Variants in SAMD4A observed in about 807,000 individuals in gnomAD.
The protein encoded by SAMD4A is protein Smaug homolog 1.
In SAMD4A, 33 loss-of-function variants were observed where a neutral mutation model predicts 81.3. That is an observed-to-expected ratio of 0.41 (90% CI 0.31 to 0.54). The LOEUF (loss-of-function observed/expected upper bound fraction) is 0.54. Ranked by LOEUF, SAMD4A falls within the 20% of genes least tolerant of loss-of-function variation. The pLI is 0.37. For missense variants in SAMD4A, 854 were observed against 951.1 expected (o/e 0.90, Z 1.34); for synonymous variants, 389 against 382.1 (o/e 1.02, Z -0.21).
intron 2 of SAMD4A, among the ~76,000 whole-genome samples, chr14:54,606,212 T>TGTGTGTGTGTGTGTGTGC (rs1051852191): frequency 1.3e-5 from 2 of 150,254 alleles, no homozygotes; most frequent in African/African-American, 4.9e-5. Context: ...TGTGTGTGTG[T>TGTGTGTGTGTGTGTGTGC]GCGTGCACGT....
At chr14:54,619,507 C>T (rs1364545969) in intron 2 of SAMD4A, among the ~76,000 whole-genome samples, 1 of 152,042 alleles carries the variant, frequency 6.6e-6, no homozygotes, top group Non-Finnish European at 1.5e-5. Flanking sequence ...GGGGACTGTG[C>T]CTTGGCTAGG....
At chr14:54,653,485 G>A (rs2035453831) in intron 2 of SAMD4A, among the ~76,000 whole-genome samples, 1 of 151,710 alleles carries the variant, frequency 6.6e-6, no homozygotes, top group African/African-American at 2.4e-5. Context: ...GATTACAGGT[G>A]TGCGCCCTGA....
Position 54,790,159 on chromosome 14 carries a change from G to A in SAMD4A, c.*1215G>A, listed in dbSNP as rs2039235140. The A allele has an allele frequency of 6.6e-6, 1 of 152,232 alleles. No homozygotes were observed. Among genetic ancestry groups the A allele is most frequent in the African/African-American group, 2.4e-5 (1 of 41,430 alleles). The allele number at this position is 152,232 out of a possible 1,614,324, so 9.4% of individuals were successfully genotyped here. On this transcript the variant is annotated 3_prime_UTR_variant, in exon 13 of 13. Transcript: ENST00000554335. ...GGTTGCTTGTAGGAACTGGAGCCTGGAGGCTGCATCTACTTCACCTGTCAC... is the reference window on the plus strand; with the variant it reads ...GGTTGCTTGTAGGAACTGGAGCCTGAAGGCTGCATCTACTTCACCTGTCAC...
chr14:54,629,586 A>T (rs1432191769), intron 2 of SAMD4A, among the ~76,000 whole-genome samples: 2 of 152,160 alleles, frequency 1.3e-5, no homozygotes, highest in Non-Finnish European at 2.9e-5. Context: ...CCTATATTAT[A>T]TTCATTTTCT....
In SAMD4A at chr14:54,687,368, C is replaced by T. The variant is rs981240444; in HGVS notation, c.197-14694C>T. The stretch of plus-strand genomic sequence containing the variant: ...ACCAGGAAGGGTGGTGTGTGGTCAG[C>T]TGCTGATTTTCCTTGAAGAATCAAA... On this transcript the variant is annotated intron_variant, in intron 2 of 12. Coordinates refer to ENST00000554335, the MANE Select transcript of SAMD4A (RefSeq NM_015589.6). The T allele has an allele frequency of 8.8e-6, 4 of 456,618 alleles. No homozygotes were observed. In the Admixed American group the frequency reaches 9.4e-5, roughly 11 times the overall value. 28.3% of individuals were successfully genotyped at this position (456,618 alleles called of 1,614,324 possible).
chr14:54,772,227 T>C (rs1207903286), intron 9 of SAMD4A, among the ~76,000 whole-genome samples: 9 of 152,206 alleles, frequency 5.9e-5, no homozygotes, highest in Admixed American at 5.2e-4. Flanking sequence ...TTTCATGCAT[T>C]TCAACATTTC....
At chr14:54,599,683 A>G (rs1444312614) in intron 2 of SAMD4A, among the ~76,000 whole-genome samples, 3 of 152,212 alleles carry the variant, frequency 2.0e-5, no homozygotes, top group Non-Finnish European at 2.9e-5. Flanking sequence ...TCACAGGACT[A>G]TTGTCAGAAT....
chr14:54,698,431 C>A (rs751362094), intron 2 of SAMD4A, among the ~76,000 whole-genome samples: 1 of 152,198 alleles, frequency 6.6e-6, no homozygotes, highest in Non-Finnish European at 1.5e-5. Flanking sequence ...TCCATTCTGC[C>A]ACTTCACTAG....
intron 9 of SAMD4A, among the ~76,000 whole-genome samples, chr14:54,771,699 T>C (rs562569569): frequency 1.3e-5 from 2 of 152,248 alleles, no homozygotes; most frequent in Non-Finnish European, 2.9e-5. Flanking sequence ...CCCAGGTGAA[T>C]AGAAAAGGTT....
intron 2 of SAMD4A, among the ~76,000 whole-genome samples, chr14:54,654,808 C>T (rs904454550): frequency 2.6e-5 from 4 of 152,226 alleles, no homozygotes; most frequent in African/African-American, 9.6e-5. Flanking sequence ...GAACCACCAG[C>T]CTTCACTCCA....
intron 2 of SAMD4A, among the ~76,000 whole-genome samples, chr14:54,692,599 G>A (rs553016962): frequency 1.4e-4 from 21 of 152,244 alleles, no homozygotes; most frequent in East Asian, 1.3e-3. Flanking sequence ...TTATTTTAAG[G>A]TACTATTGGA....
At chr14:54,692,741 T>TA (rs1282542084) in intron 2 of SAMD4A, among the ~76,000 whole-genome samples, 1 of 152,144 alleles carries the variant, frequency 6.6e-6, no homozygotes, top group Non-Finnish European at 1.5e-5. Flanking sequence ...GTTTTTGGTG[T>TA]AAAAAACTAG....
chr14:54,719,345 A>T (rs576315433), intron 3 of SAMD4A, among the ~76,000 whole-genome samples: 2 of 152,282 alleles, frequency 1.3e-5, no homozygotes, highest in East Asian at 3.9e-4. Context: ...GTAGACTTGA[A>T]GGCTTCCTTT....
Position 54,702,093 on chromosome 14 carries a change from G to A in SAMD4A, c.228G>A (p.Lys76=), listed in dbSNP as rs773680508. The change falls in exon 3 of 13, where the codon AAG becomes AAA. Residue 76 remains lysine (K), a synonymous_variant. Transcript: ENST00000554335. ...TTAACCAATGGCAACAGGAATCCAA[G>A]GATAAAGTGATTTCCCTCCTGTTAA... is the stretch of plus-strand genomic sequence containing the variant. ...GIINQWQQES[K]DKVISLLLTH... 2.5e-6 allele frequency: 4 copies of A among 1,614,116 alleles called. No homozygotes were observed. The highest frequency in any genetic ancestry group is 3.4e-6 in the Non-Finnish European group (4 of 1,179,992).
At chr14:54,610,181 G>T (rs2034316660) in intron 2 of SAMD4A, among the ~76,000 whole-genome samples, 1 of 152,128 alleles carries the variant, frequency 6.6e-6, no homozygotes. Context: ...ATGAACACGA[G>T]TTTTCGTAGC....
intron 12 of SAMD4A, among the ~76,000 whole-genome samples, chr14:54,787,627 C>T (rs1184142426): frequency 6.6e-6 from 1 of 152,210 alleles, no homozygotes; most frequent in Non-Finnish European, 1.5e-5. Flanking sequence ...AGGGAGGCAC[C>T]CCACAGCCCT....
chr14:54,764,897 C>T (rs1279165962), intron 8 of SAMD4A, among the ~76,000 whole-genome samples: 2 of 152,166 alleles, frequency 1.3e-5, no homozygotes, highest in Non-Finnish European at 2.9e-5. Context: ...GTGTTGAACT[C>T]TTGCCTTTTA....
chr14:54,696,539 A>G (rs1252806334), intron 2 of SAMD4A, among the ~76,000 whole-genome samples: 1 of 152,230 alleles, frequency 6.6e-6, no homozygotes, highest in African/African-American at 2.4e-5. Context: ...TTTATGGCAA[A>G]CGTTATTAAA....
intron 2 of SAMD4A, among the ~76,000 whole-genome samples, chr14:54,658,778 A>G (rs373843972): frequency 5.2e-4 from 79 of 152,128 alleles, no homozygotes; most frequent in African/African-American, 1.7e-3. Flanking sequence ...AAGCCTCTCT[A>G]CTCATTTCCC....
Sources: allele counts gnomAD v4.1 joint callset (sites outside exome capture counted in the v4.1 genomes callset), GRCh38; gene constraint gnomAD v4.1.1; transcripts MANE v1.5; gene names NCBI Gene and HGNC (gene_info 2026-07-23, HGNC 2026-07-21).